Variants in GARIN5B observed in about 807,000 individuals in gnomAD.
The protein encoded by GARIN5B is golgi associated RAB2 interactor family member 5B, also known as Golgi-associated RAB2 interactor protein 5B.
chr19:55,361,532 C>T, the GARIN5B span: 20 of 1,248,798 alleles, frequency 1.6e-5, no homozygotes, highest in Admixed American at 2.6e-4. Context: ...CAGGACCTGA[C>T]GATCCAGCTC....
the GARIN5B span, chr19:55,359,693 T>G: frequency 6.4e-7 from 1 of 1,551,490 alleles, no homozygotes; most frequent in Non-Finnish European, 8.7e-7. Flanking sequence ...CCCCGGCCCC[T>G]GGTGGGAGCC....
the GARIN5B span, chr19:55,359,268 C>T: frequency 6.5e-7 from 1 of 1,549,828 alleles, no homozygotes; most frequent in Non-Finnish European, 8.7e-7. Flanking sequence ...TGGGATGGGG[C>T]AGGGAGGAGT....
the GARIN5B span, among the ~76,000 whole-genome samples, chr19:55,356,541 C>T: frequency 3.3e-5 from 5 of 151,972 alleles, no homozygotes; most frequent in Admixed American, 1.3e-4. Flanking sequence ...ATCCTGACCT[C>T]GTGATCCACC....
At chr19:55,358,315 C>G in the GARIN5B span, 1 of 1,542,490 alleles carries the variant, frequency 6.5e-7, no homozygotes, top group African/African-American at 1.4e-5. Flanking sequence ...GCGACACCCT[C>G]TTGGGCTGCT....
the GARIN5B span, chr19:55,362,585 G>A: frequency 2.8e-5 from 43 of 1,541,946 alleles, no homozygotes; most frequent in African/African-American, 5.8e-4. Flanking sequence ...CACCTGGTCA[G>A]CACGAGGCCG....
chr19:55,359,900 C>T, the GARIN5B span: 9 of 1,551,478 alleles, frequency 5.8e-6, no homozygotes, highest in African/African-American at 1.2e-4. Flanking sequence ...GCCATCAGGG[C>T]TGTCAGCTGA....
the GARIN5B span, chr19:55,362,451 G>A: frequency 7.1e-6 from 11 of 1,550,006 alleles, no homozygotes; most frequent in East Asian, 2.0e-4. Flanking sequence ...AGCTTCAGGC[G>A]CCAGGCAGAG....
chr19:55,361,151 C>A, the GARIN5B span: 9 of 1,551,082 alleles, frequency 5.8e-6, no homozygotes, highest in East Asian at 2.0e-4. Context: ...GCCCCTTGGG[C>A]CCACACCACC....
the GARIN5B span, chr19:55,362,478 G>C: frequency 6.5e-7 from 1 of 1,548,322 alleles, no homozygotes; most frequent in South Asian, 1.2e-5. Flanking sequence ...TGGACGCAGA[G>C]GTGGACGAGG....
At chr19:55,362,293 G>A in the GARIN5B span, 2 of 1,549,288 alleles carry the variant, frequency 1.3e-6, no homozygotes, top group Non-Finnish European at 1.7e-6. Flanking sequence ...GCATATCCAG[G>A]GGGGCCGTGC....
chr19:55,362,613 G>A, the GARIN5B span: 6 of 1,547,102 alleles, frequency 3.9e-6, no homozygotes, highest in South Asian at 1.2e-5. Flanking sequence ...CCCTGTCCTC[G>A]GCGGGCTGGC....
chr19:55,359,933 A>C, the GARIN5B span: 7 of 1,550,972 alleles, frequency 4.5e-6, no homozygotes, highest in Non-Finnish European at 6.1e-6. Context: ...AGGGCTCTCA[A>C]CCACATGTCC....
chr19:55,360,450 C>A, the GARIN5B span, among the ~76,000 whole-genome samples: 2 of 140,342 alleles, frequency 1.4e-5, no homozygotes, highest in Non-Finnish European at 3.1e-5. Context: ...GGAGTCCAGG[C>A]CCCCAGCCCC....
At chr19:55,362,194 G>C in the GARIN5B span, 1 of 1,464,180 alleles carries the variant, frequency 6.8e-7, no homozygotes, top group Non-Finnish European at 9.0e-7. Context: ...GGATCTGGCC[G>C]GAGGGTTCCT....
chr19:55,360,908 G>T, the GARIN5B span: 1 of 1,543,006 alleles, frequency 6.5e-7, no homozygotes, highest in Admixed American at 2.0e-5. Flanking sequence ...AGTGGGACCT[G>T]CAGGAGCAAT....
At chr19:55,355,661 G>A in the GARIN5B span, among the ~76,000 whole-genome samples, 1 of 152,240 alleles carries the variant, frequency 6.6e-6, no homozygotes, top group African/African-American at 2.4e-5. Context: ...GCCTGACTCA[G>A]GATTGTTTAC....
chr19:55,358,703 C>T, the GARIN5B span: 2 of 1,550,808 alleles, frequency 1.3e-6, no homozygotes, highest in African/African-American at 2.7e-5. Context: ...CGCCAAGAGC[C>T]AGGAGGGAAG....
chr19:55,361,840 CCAGGAGAGTTCAGACTG>C, the GARIN5B span, among the ~76,000 whole-genome samples: 3,773 of 141,542 alleles, frequency 0.027, 466 homozygotes, highest in Middle Eastern at 0.043. Context: ...TCCCTCAGAC[CCAGGAGAGTTCAGACTG>C]CCAGCCCTTC....
chr19:55,362,071 C>A, the GARIN5B span, among the ~76,000 whole-genome samples: 3 of 150,810 alleles, frequency 2.0e-5, no homozygotes, highest in African/African-American at 4.9e-5. Context: ...GGAGTCCAGG[C>A]CCCCAGCATC....
Sources: gnomAD v4.1 joint callset for allele counts (sites outside exome capture counted in the v4.1 genomes callset) on GRCh38, gnomAD v4.1.1 for gene constraint, MANE v1.5 for transcripts, NCBI Gene and HGNC (gene_info 2026-07-23, HGNC 2026-07-21) for gene names.